The following ADCY9 variants were observed in gnomAD, a reference collection of about 807,000 sequenced individuals.
ADCY9 encodes the protein adenylate cyclase type 9.
Under a neutral mutation model 101.5 loss-of-function variants are expected in ADCY9, and 50 were observed. The ratio of observed to expected loss-of-function variants is 0.49; its 90% confidence interval spans 0.39 to 0.62. ADCY9 has a LOEUF of 0.62. Ranked by LOEUF, ADCY9 falls within the 20% of genes least tolerant of loss-of-function variation. The probability of loss-of-function intolerance (pLI) is 0.00; values close to 1 mark genes in which losing one functional copy is unlikely to be tolerated. For synonymous variants in ADCY9, 905 were observed against 769.3 expected (o/e 1.18, Z -2.92); for missense variants, 1,662 against 1,800.4 (o/e 0.92, Z 1.39).
chr16:4,021,543 A>C (rs1022592597), intron 2 of ADCY9, among the ~76,000 whole-genome samples: 1 of 152,176 alleles, frequency 6.6e-6, no homozygotes, highest in Admixed American at 6.5e-5. Flanking sequence ...TAGATACACG[A>C]GCTCCGTCCC....
chr16:3,979,988 A>G (rs1363298326), intron 7 of ADCY9, among the ~76,000 whole-genome samples: 1 of 152,180 alleles, frequency 6.6e-6, no homozygotes, highest in Non-Finnish European at 1.5e-5. Context: ...GGGCATCATC[A>G]TCAGTGTTTC....
Position 3,993,432 on chromosome 16 carries a change from G to T in ADCY9, c.1963C>A (p.Gln655Lys). Residue 655 changes from glutamine to lysine, a missense_variant, in exon 4 of 11, where the codon CAA becomes AAA. This residue lies in a region of ADCY9 where 624 missense variants were observed against 639.1 expected (regional missense o/e 0.98). Transcript: ENST00000294016. Reference sequence around the variant, plus strand: ...TTGGTGCTGTTTTTATGCTCGTCTTGGCAGCCGTTTTGAGGTGCTCCTCCC... The same window carrying T: ...TTGGTGCTGTTTTTATGCTCGTCTTTGCAGCCGTTTTGAGGTGCTCCTCCC... ...AEGGAPQNGC[Q>K]DEHKNSTKAS... is the part of the protein sequence containing the mutation. 6.2e-7 allele frequency: 1 copy of T among 1,614,170 alleles called. No individual in the cohort carries two copies. The highest frequency in any genetic ancestry group is 8.5e-7 in the Non-Finnish European group (1 of 1,180,006).
intron 2 of ADCY9, among the ~76,000 whole-genome samples, chr16:4,041,287 G>A (rs996044883): frequency 6.6e-6 from 1 of 152,116 alleles, no homozygotes; most frequent in African/African-American, 2.4e-5. Flanking sequence ...TGGATCACCT[G>A]AGGTCAGGAG....
chr16:4,001,140 G>A (rs1391076875), intron 3 of ADCY9, among the ~76,000 whole-genome samples: 4 of 152,132 alleles, frequency 2.6e-5, no homozygotes, highest in Non-Finnish European at 4.4e-5. Flanking sequence ...ATGCTGGCGC[G>A]ATACCGTTAA....
intron 2 of ADCY9, among the ~76,000 whole-genome samples, chr16:4,028,442 T>G (rs2056532302): frequency 1.3e-5 from 2 of 152,212 alleles, no homozygotes; most frequent in African/African-American, 4.8e-5. Context: ...ATACTTGATC[T>G]GTGCTACAAT....
intron 5 of ADCY9, among the ~76,000 whole-genome samples, chr16:3,989,509 G>T (rs1168869495): frequency 6.6e-6 from 1 of 152,080 alleles, no homozygotes; most frequent in African/African-American, 2.4e-5. Context: ...CTCCTGAGTA[G>T]CTGGGATTAC....
intron 2 of ADCY9, among the ~76,000 whole-genome samples, chr16:4,057,040 C>A (rs55859443): frequency 4.7e-3 from 132 of 27,948 alleles, no homozygotes; most frequent in African/African-American, 0.016. Flanking sequence ...ATGAAACCGC[C>A]CCCCCCCCCC....
At chr16:4,001,094 A>C (rs1301982018) in intron 3 of ADCY9, among the ~76,000 whole-genome samples, 1 of 152,040 alleles carries the variant, frequency 6.6e-6, no homozygotes. Flanking sequence ...TCCTCCGTAC[A>C]TACTCACCGT....
chr16:4,110,997 G>A (rs1391665327), intron 2 of ADCY9, among the ~76,000 whole-genome samples: 2 of 152,204 alleles, frequency 1.3e-5, no homozygotes, highest in African/African-American at 2.4e-5. Flanking sequence ...CACGGATCCT[G>A]CTCCACATCC....
chr16:4,084,722 T>TCAAAAA (rs745502439), intron 2 of ADCY9, among the ~76,000 whole-genome samples: 31 of 151,556 alleles, frequency 2.0e-4, no homozygotes, highest in African/African-American at 6.0e-4. Context: ...TGAGACTGTC[T>TCAAAAA]CAAAAACAAA....
intron 3 of ADCY9, among the ~76,000 whole-genome samples, chr16:3,995,428 T>TA (rs996147575): frequency 2.6e-5 from 4 of 151,840 alleles, no homozygotes; most frequent in East Asian, 1.9e-4. Context: ...GACCCTGTCT[T>TA]AAAAAAATAA....
At chr16:3,990,199 T>G (rs2056232860) in intron 5 of ADCY9, among the ~76,000 whole-genome samples, 1 of 152,152 alleles carries the variant, frequency 6.6e-6, no homozygotes, top group African/African-American at 2.4e-5. Context: ...GCGCGGTGGC[T>G]CATCCTTGTA....
chr16:4,085,023 G>T (rs2056928659), intron 2 of ADCY9, among the ~76,000 whole-genome samples: 1 of 152,110 alleles, frequency 6.6e-6, no homozygotes, highest in African/African-American at 2.4e-5. Context: ...GGTATAAACA[G>T]TGCTGAGTGG....
Position 3,963,629 on chromosome 16 carries a change from T to TG in ADCY9, c.*2145dup. ...TGGTTGGGGAAGGAAATGGGCTTGATGGGGAAGAAGTGTGTGCGGAGAACT... is the reference window on the plus strand; with the variant it reads ...TGGTTGGGGAAGGAAATGGGCTTGATGGGGGAAGAAGTGTGTGCGGAGAACT... On this transcript the variant is annotated 3_prime_UTR_variant, in exon 11 of 11. Coordinates refer to ENST00000294016, the MANE Select transcript of ADCY9 (RefSeq NM_001116.4). The TG allele has an allele frequency of 3.0e-6, 1 of 335,820 alleles. No individual in the cohort carries two copies. The highest frequency in any genetic ancestry group is 5.4e-6 in the Non-Finnish European group (1 of 186,494). The allele number at this position is 335,820 out of a possible 1,614,324, so 20.8% of individuals were successfully genotyped here.
At chr16:3,985,806 A>T (rs2056187340) in intron 6 of ADCY9, among the ~76,000 whole-genome samples, 1 of 152,002 alleles carries the variant, frequency 6.6e-6, no homozygotes, top group Admixed American at 6.6e-5. Context: ...GCTACTTGCC[A>T]GAGACACCTG....
intron 2 of ADCY9, among the ~76,000 whole-genome samples, chr16:4,103,754 C>T (rs561404954): frequency 1.3e-5 from 2 of 152,170 alleles, no homozygotes; most frequent in Non-Finnish European, 2.9e-5. Context: ...TCACTTGAAC[C>T]CAGGAGGCGG....
Position 4,037,846 on chromosome 16 carries a change from C to T in ADCY9, c.1694-30288G>A, listed in dbSNP as rs190205496. Among the ~76,000 whole-genome samples, 8 of 152,310 alleles carry T rather than the reference C, an allele frequency of 5.3e-5. No homozygotes were observed. In the East Asian group the frequency reaches 1.2e-3, roughly 22 times the overall value. On this transcript the variant is annotated intron_variant, in intron 2 of 10. Transcript: ENST00000294016. ...GGAGCATCAGAAGGCAGTGAACAGA[C>T]GTGAGGCCTATCAGCTGGTACTAGA...
intron 7 of ADCY9, among the ~76,000 whole-genome samples, chr16:3,981,209 T>G (rs890353258): frequency 3.9e-5 from 6 of 152,214 alleles, no homozygotes; most frequent in Non-Finnish European, 1.5e-5. Context: ...TTGGGGAGTA[T>G]GTCTGTGCAG....
rs2055953534 is a variant in ADCY9 at position 3,963,139 on chromosome 16, T to TATATATATAG, written c.*2635_*2636insCTATATATAT. The TATATATATAG allele has an allele frequency of 6.0e-6, 1 of 167,944 alleles. No homozygotes were observed. Among genetic ancestry groups the TATATATATAG allele is most frequent in the Non-Finnish European group, 1.2e-5 (1 of 86,696 alleles). The allele number at this position is 167,944 out of a possible 1,614,324, so 10.4% of individuals were successfully genotyped here. A position where few individuals can be genotyped will look rare whatever the true frequency, so the allele number is the denominator to read the frequency against. On this transcript the variant is annotated 3_prime_UTR_variant, in exon 11 of 11. Coordinates refer to ENST00000294016, the MANE Select transcript of ADCY9 (RefSeq NM_001116.4). ...ATATATATATATATATATATATATA[T>TATATATATAG]ATATGGATATATAATTCGATCTGAG...
Sources: allele counts gnomAD v4.1 joint callset (sites outside exome capture counted in the v4.1 genomes callset), GRCh38; gene constraint gnomAD v4.1.1; regional missense constraint gnomAD v4.1.1; transcripts MANE v1.5; gene names NCBI Gene and HGNC (gene_info 2026-07-23, HGNC 2026-07-21).